The following CSF3 variants were observed in gnomAD, a reference collection of about 807,000 sequenced individuals.
CSF3 encodes the protein colony stimulating factor 3, also known as granulocyte colony-stimulating factor.
CSF3 carries 17 observed loss-of-function variants against 20.2 expected under a neutral mutation model. The ratio of observed to expected loss-of-function variants is 0.84; its 90% confidence interval spans 0.58 to 1.26. The LOEUF is 1.26. Ranked by LOEUF, CSF3 falls within the 50% of genes most tolerant of loss-of-function variation. The pLI is 0.00. For missense variants in CSF3, 210 were observed against 256.0 expected (o/e 0.82, Z 1.23); for synonymous variants, 125 against 115.3 (o/e 1.08, Z -0.54).
chr17:40,017,089 T>C lies in CSF3; in HGVS notation c.*130T>C. The C allele has an allele frequency of 1.1e-6, 1 of 885,036 alleles. No individual in the cohort carries two copies. The highest frequency in any genetic ancestry group is 1.6e-6 in the Non-Finnish European group (1 of 612,480). 54.8% of individuals were successfully genotyped at this position (885,036 alleles called of 1,614,324 possible). On this transcript the variant is annotated 3_prime_UTR_variant, in exon 5 of 5. Coordinates refer to ENST00000394149, the MANE Select transcript of CSF3 (RefSeq NM_172219.3). ...GTGTCCTTCCCTGCATTTCTGAGTT[T>C]CATTCTCCTGCCTGTAGCAGTGAGA...
chr17:40,015,806 G>GA lies in CSF3; in HGVS notation c.158dup (p.Ile54AspfsTer57). On this transcript the variant is annotated frameshift_variant, in exon 2 of 5. Transcript: ENST00000394149. LOFTEE classifies it high-confidence loss of function. ...TGCTCAAGTGCTTAGAGCAAGTGAG[G>GA]AAGATCCAGGGCGATGGCGCAGCGC... The GA allele has an allele frequency of 6.2e-7, 1 of 1,612,196 alleles. No individual in the cohort carries two copies. The highest frequency in any genetic ancestry group is 8.5e-7 in the Non-Finnish European group (1 of 1,179,134).
intron 2 of CSF3, 108 bp from the exon 3 acceptor site, chr17:40,016,125 G>A: frequency 1.1e-6 from 1 of 947,402 alleles, no homozygotes; most frequent in Non-Finnish European, 1.6e-6. Context: ...GAACTGAACA[G>A]CCTGGCAGGA....
chr17:40,017,227 C>A lies in CSF3; in HGVS notation c.*268C>A. The stretch of plus-strand genomic sequence containing the variant: ...CTCTGCAATGGGCACTGGGATGAGC[C>A]GCTGTGAGCCCCTGGTCCTGAGGGT... On this transcript the variant is annotated 3_prime_UTR_variant, in exon 5 of 5. Transcript: ENST00000394149. 3.3e-6 allele frequency: 1 copy of A among 301,440 alleles called. No individual in the cohort carries two copies. The highest frequency in any genetic ancestry group is 6.2e-5 in the East Asian group (1 of 16,252). The allele number at this position is 301,440 out of a possible 1,614,324, so 18.7% of individuals were successfully genotyped here.
intron 3 of CSF3, 52 bp from the exon 4 acceptor site, chr17:40,016,433 G>A: frequency 1.2e-6 from 2 of 1,608,806 alleles, no homozygotes; most frequent in African/African-American, 1.3e-5. Flanking sequence ...CCAAGCTGGG[G>A]GCCTGACGTA....
At chr17:40,015,948 T>G in intron 2 of CSF3, 103 bp downstream of exon 2, 1 of 1,438,088 alleles carries the variant, frequency 7.0e-7, no homozygotes, top group Non-Finnish European at 9.3e-7. Flanking sequence ...CGTGGGAGAA[T>G]ATTAGGAGCA....
intron 2 of CSF3, 62 bp downstream of exon 2, chr17:40,015,907 G>A (rs1353915906): frequency 6.5e-7 from 1 of 1,535,728 alleles, no homozygotes; most frequent in Non-Finnish European, 8.8e-7. Flanking sequence ...AAGGGGGATG[G>A]AACTGCAGGG....
rs1288173074 is a variant in CSF3 at position 40,015,456 on chromosome 17, C to G, written c.-19C>G. The G allele has an allele frequency of 1.1e-5, 17 of 1,550,726 alleles. No homozygotes were observed. The highest frequency in any genetic ancestry group is 1.3e-5 in the Non-Finnish European group (15 of 1,146,614). On this transcript the variant is annotated 5_prime_UTR_variant, in exon 1 of 5. Coordinates refer to ENST00000394149, the MANE Select transcript of CSF3 (RefSeq NM_172219.3). The stretch of plus-strand genomic sequence containing the variant: ...CCCCAAAACAGCCCGGAGCCTGCAG[C>G]CCAGCCCCACCCAGACCCATGGCTG...
intron 4 of CSF3, 75 bp downstream of exon 4, chr17:40,016,706 C>G (rs930250534): frequency 1.9e-6 from 3 of 1,546,920 alleles, no homozygotes; most frequent in Non-Finnish European, 2.6e-6. Context: ...TGTATGGGCC[C>G]TGTCCATGCT....
chr17:40,017,125 G>A lies in CSF3; in HGVS notation c.*166G>A. On this transcript the variant is annotated 3_prime_UTR_variant, in exon 5 of 5. Coordinates refer to ENST00000394149, the MANE Select transcript of CSF3 (RefSeq NM_172219.3). Reference sequence around the variant, plus strand: ...CCTGTAGCAGTGAGAAAAAGCTCCTGTCCTCCCATCCCCTGGACTGGGAGG... The same window carrying A: ...CCTGTAGCAGTGAGAAAAAGCTCCTATCCTCCCATCCCCTGGACTGGGAGG... 1.6e-6 allele frequency: 1 copy of A among 617,346 alleles called. No homozygotes were observed. Among genetic ancestry groups the A allele is most frequent in the Non-Finnish European group, 2.6e-6 (1 of 378,862 alleles). 38.2% of individuals were successfully genotyped at this position (617,346 alleles called of 1,614,324 possible). A position where few individuals can be genotyped will look rare whatever the true frequency, so the allele number is the denominator to read the frequency against.
In CSF3 at chr17:40,017,041, G is replaced by T; in HGVS notation, c.*82G>T. 7.6e-7 allele frequency: 1 copy of T among 1,315,898 alleles called. No homozygotes were observed. Among genetic ancestry groups the T allele is most frequent in the Non-Finnish European group, 1.0e-6 (1 of 984,910 alleles). 81.5% of individuals were successfully genotyped at this position (1,315,898 alleles called of 1,614,324 possible). On this transcript the variant is annotated 3_prime_UTR_variant, in exon 5 of 5. Transcript: ENST00000394149. Reference sequence around the variant, plus strand: ...GCCTCATATTTAAAGACAGGGAAGAGCAGAACGGAGCCCCAGGCCTCTGTG... The same window carrying T: ...GCCTCATATTTAAAGACAGGGAAGATCAGAACGGAGCCCCAGGCCTCTGTG...
At chr17:40,015,957 C>A in intron 2 of CSF3, 112 bp downstream of exon 2, 1 of 1,419,570 alleles carries the variant, frequency 7.0e-7, no homozygotes, top group Non-Finnish European at 9.4e-7. Context: ...ATATTAGGAG[C>A]AGTGGAGCTG....
intron 1 of CSF3, 80 bp from the exon 2 acceptor site, chr17:40,015,611 G>A: frequency 1.9e-6 from 3 of 1,545,360 alleles, no homozygotes; most frequent in Non-Finnish European, 1.7e-6. Context: ...CTGGGAATGG[G>A]GATTAAAGGC....
In CSF3 at chr17:40,017,206, G is replaced by A. The variant is rs1445499223; in HGVS notation, c.*247G>A. ...ATGACTGCTCCCCAGCCCTGGCTCT[G>A]CAATGGGCACTGGGATGAGCCGCTG... On this transcript the variant is annotated 3_prime_UTR_variant, in exon 5 of 5. Coordinates refer to ENST00000394149, the MANE Select transcript of CSF3 (RefSeq NM_172219.3). 2.6e-6 allele frequency: 1 copy of A among 383,186 alleles called. No homozygotes were observed. Among genetic ancestry groups the A allele is most frequent in the East Asian group, 4.8e-5 (1 of 20,860 alleles). 23.7% of individuals were successfully genotyped at this position (383,186 alleles called of 1,614,324 possible).
chr17:40,015,716 T>C lies in CSF3; in HGVS notation c.66T>C (p.Ser22=). ...LMALQLLLWH[S]ALWTVQEATP... is the part of the protein sequence containing the mutation. ...CCCTGCAGCTGCTGCTGTGGCACAGTGCACTCTGGACAGTGCAGGAAGCCA... is the reference window on the plus strand; with the variant it reads ...CCCTGCAGCTGCTGCTGTGGCACAGCGCACTCTGGACAGTGCAGGAAGCCA... Residue 22 remains serine, a synonymous_variant, in exon 2 of 5, where the codon AGT becomes AGC. Coordinates refer to ENST00000394149, the MANE Select transcript of CSF3 (RefSeq NM_172219.3). 6.3e-7 allele frequency: 1 copy of C among 1,591,516 alleles called. No homozygotes were observed. Among genetic ancestry groups the C allele is most frequent in the East Asian group, 2.3e-5 (1 of 44,114 alleles).
chr17:40,015,999 A>G, intron 2 of CSF3, 154 bp downstream of exon 2: 1 of 1,205,526 alleles, frequency 8.3e-7, no homozygotes, highest in Non-Finnish European at 1.1e-6. Flanking sequence ...GGGGAGGAGG[A>G]CCTTGGTGGG....
intron 1 of CSF3, 63 bp from the exon 2 acceptor site, chr17:40,015,628 T>G (rs1210984154): frequency 6.5e-7 from 1 of 1,545,596 alleles, no homozygotes; most frequent in Non-Finnish European, 8.7e-7. Context: ...AGGCACCCAG[T>G]GTCCCCGAGA....
intron 3 of CSF3, 56 bp from the exon 4 acceptor site, chr17:40,016,429 T>G: frequency 6.2e-7 from 1 of 1,608,644 alleles, no homozygotes; most frequent in Non-Finnish European, 8.5e-7. Context: ...GGTTCCAAGC[T>G]GGGGGCCTGA....
chr17:40,016,676 G>C, intron 4 of CSF3, 45 bp downstream of exon 4: 1 of 1,612,888 alleles, frequency 6.2e-7, no homozygotes, highest in Non-Finnish European at 8.5e-7. Context: ...CTGGCATTCT[G>C]GGCACCACAG....
At position 40,016,176 on chromosome 17, in the gene CSF3, G is replaced by A. The variant is rs372620732; in HGVS notation, c.196-57G>A. The A allele has an allele frequency of 9.6e-5, 129 of 1,345,356 alleles. 1 individual carries two copies. In the African/African-American group the frequency reaches 1.4e-3, roughly 14 times the overall value. 83.3% of individuals were successfully genotyped at this position (1,345,356 alleles called of 1,614,324 possible). ...AAGACCAGAGAGTCGGGGAGGACCCGGGAAGGAGCGGCGACCCGGCCATGG... is the reference window on the plus strand; with the variant it reads ...AAGACCAGAGAGTCGGGGAGGACCCAGGAAGGAGCGGCGACCCGGCCATGG... On this transcript the variant is annotated intron_variant, in intron 2 of 4. Coordinates refer to ENST00000394149, the MANE Select transcript of CSF3 (RefSeq NM_172219.3).
Sources: gnomAD v4.1 joint callset for allele counts on GRCh38, gnomAD v4.1.1 for gene constraint, MANE v1.5 for transcripts, NCBI Gene and HGNC (gene_info 2026-07-23, HGNC 2026-07-21) for gene names.